GNPTAB: variants seen among roughly 807,000 people sequenced by gnomAD.
GNPTAB encodes N-acetylglucosamine-1-phosphate transferase subunits alpha and beta, also known as N-acetylglucosamine-1-phosphotransferase subunits alpha/beta.
Under a neutral mutation model 136.6 loss-of-function variants are expected in GNPTAB, and 92 were observed. The observed-to-expected ratio is 0.67, with a 90% CI of 0.57 to 0.80. The LOEUF is 0.80. Among genes scored for constraint, GNPTAB ranks in the 30% least tolerant of loss-of-function variants. GNPTAB has a pLI of 0.00. For missense variants in GNPTAB, 1,343 were observed against 1,501.8 expected, an observed-to-expected ratio of 0.89 and a Z score of 1.75; for synonymous variants, 512 against 535.1, an observed-to-expected ratio of 0.96 and a Z score of 0.60.
At chr12:101,778,968 T>C (rs1328309864) in intron 7 of GNPTAB, 1 of 150,982 alleles carries the variant, frequency 6.6e-6, no homozygotes, top group Non-Finnish European at 1.5e-5. Context: ...GTTATTCACA[T>C]TACCATTGTA....
At chr12:101,765,710 T>C in intron 12 of GNPTAB, 1 of 338,316 alleles carries the variant, frequency 3.0e-6, no homozygotes, top group Non-Finnish European at 5.6e-6. Context: ...TTTATCCATT[T>C]GAAAAAAACT....
intron 2 of GNPTAB, chr12:101,796,327 T>G (rs1869286697): frequency 4.3e-6 from 3 of 699,704 alleles, no homozygotes; most frequent in East Asian, 2.7e-5. Flanking sequence ...GTGGGATTAC[T>G]CTCTGTGAAT....
chr12:101,809,230 A>AATAAG (rs1295963859), intron 1 of GNPTAB, among the ~76,000 whole-genome samples: 1 of 152,228 alleles, frequency 6.6e-6, no homozygotes, highest in African/African-American at 2.4e-5. Flanking sequence ...TTAAAACAGC[A>AATAAG]ATAAGATACC....
At chr12:101,819,324 T>C (rs1187444764) in intron 1 of GNPTAB, among the ~76,000 whole-genome samples, 1 of 152,152 alleles carries the variant, frequency 6.6e-6, no homozygotes, top group African/African-American at 2.4e-5. Context: ...AACCTCTTTT[T>C]CTTTATAAAC....
rs890192327 is a variant in GNPTAB at position 101,786,228 on chromosome 12, A to G, written c.366-11T>C. The G allele has an allele frequency of 1.3e-6, 2 of 1,597,628 alleles. No individual in the cohort carries two copies. Among genetic ancestry groups the G allele is most frequent in the Non-Finnish European group, 1.7e-6 (2 of 1,166,490 alleles). Reference sequence around the variant, plus strand: ...TCTAACTGCTTCTCACTGGAAAGAAACACCAACATGCTTACAATTACATTC... The same window carrying G: ...TCTAACTGCTTCTCACTGGAAAGAAGCACCAACATGCTTACAATTACATTC... On this transcript the variant is annotated splice_polypyrimidine_tract_variant and intron_variant, in intron 4 of 20. Coordinates refer to ENST00000299314, the MANE Select transcript of GNPTAB (RefSeq NM_024312.5).
intron 1 of GNPTAB, among the ~76,000 whole-genome samples, chr12:101,809,212 A>G (rs1156708519): frequency 1.3e-5 from 2 of 152,236 alleles, no homozygotes; most frequent in African/African-American, 4.8e-5. Context: ...TCATTAGGGA[A>G]TAACAAATTA....
At chr12:101,781,945 T>C (rs1868368083) in intron 5 of GNPTAB, among the ~76,000 whole-genome samples, 1 of 152,234 alleles carries the variant, frequency 6.6e-6, no homozygotes, top group African/African-American at 2.4e-5. Context: ...ACAGGCTCGA[T>C]GCTCAGGTGG....
rs1223509764 is a variant in GNPTAB, at chr12:101,765,294, A to G, written c.1623T>C (p.His541=). The G allele has an allele frequency of 1.2e-6, 2 of 1,605,676 alleles. No individual in the cohort carries two copies. Among genetic ancestry groups the G allele is most frequent in the Non-Finnish European group, 1.7e-6 (2 of 1,172,620 alleles). ...GGAGAAGGATCACTTTATACAATTC[A>G]TGAAAATGATCTAGAGGAAAAAACA... The part of the protein sequence containing the change: ...DAGDCGQDHF[H]ELYKVILLPN... The change falls in exon 13 of 21, where the codon CAT becomes CAC. Residue 541 remains histidine, a synonymous_variant. Coordinates refer to ENST00000299314, the MANE Select transcript of GNPTAB (RefSeq NM_024312.5).
At chr12:101,753,667 T>C in intron 18 of GNPTAB, 128 bp from the exon 19 acceptor site, 2 of 775,562 alleles carry the variant, frequency 2.6e-6, no homozygotes, top group South Asian at 1.5e-5. Context: ...GCTGATATGA[T>C]TCTCTGGGGG....
chr12:101,803,506 C>A (rs1319542266), intron 1 of GNPTAB, among the ~76,000 whole-genome samples: 4 of 152,198 alleles, frequency 2.6e-5, no homozygotes, highest in Admixed American at 2.6e-4. Context: ...GGAATGATTT[C>A]TTCTCTTCAC....
intron 1 of GNPTAB, among the ~76,000 whole-genome samples, chr12:101,807,888 A>G (rs1870015064): frequency 2.0e-5 from 3 of 152,202 alleles, no homozygotes; most frequent in African/African-American, 4.8e-5. Flanking sequence ...CTCTCAAAAA[A>G]CAAACAAATA....
At chr12:101,783,883 T>G (rs765624451) in intron 5 of GNPTAB, among the ~76,000 whole-genome samples, 12 of 151,860 alleles carry the variant, frequency 7.9e-5, no homozygotes, top group Non-Finnish European at 1.5e-4. Context: ...CCAGACTAAT[T>G]TTTGTTTTTT....
At chr12:101,765,610 AC>A in intron 12 of GNPTAB, 1 of 390,304 alleles carries the variant, frequency 2.6e-6, no homozygotes, top group South Asian at 2.6e-5. Context: ...TGAGGCAGTC[AC>A]AATAATTACC....
intron 1 of GNPTAB, among the ~76,000 whole-genome samples, chr12:101,813,193 A>C (rs1329014972): frequency 3.9e-5 from 6 of 152,204 alleles, no homozygotes; most frequent in African/African-American, 1.4e-4. Context: ...CTAGAGTATG[A>C]ATTTCATATA....
intron 11 of GNPTAB, among the ~76,000 whole-genome samples, chr12:101,767,280 G>A: frequency 6.6e-6 from 1 of 152,270 alleles, no homozygotes; most frequent in Middle Eastern, 3.4e-3. Context: ...AAATTGAAAG[G>A]TAGTAAGTAA....
chr12:101,762,682 A>G (rs1251740877), intron 13 of GNPTAB, among the ~76,000 whole-genome samples: 1 of 152,180 alleles, frequency 6.6e-6, no homozygotes, highest in Non-Finnish European at 1.5e-5. Context: ...AGGGAAATAT[A>G]TGTAAATTTA....
At chr12:101,828,010 T>TGG (rs1312202318) in intron 1 of GNPTAB, among the ~76,000 whole-genome samples, 9 of 152,276 alleles carry the variant, frequency 5.9e-5, no homozygotes, top group African/African-American at 2.2e-4. Flanking sequence ...CAAAAGGACT[T>TGG]ACAATTAGTG....
chr12:101,758,504 A>G (rs1323100118), intron 16 of GNPTAB, among the ~76,000 whole-genome samples: 3 of 152,204 alleles, frequency 2.0e-5, no homozygotes, highest in Non-Finnish European at 4.4e-5. Context: ...GCTGATTCCT[A>G]TCTGCTAATC....
At chr12:101,753,590 C>G (rs1952855388) in intron 18 of GNPTAB, 51 bp from the exon 19 acceptor site, 2 of 1,441,298 alleles carry the variant, frequency 1.4e-6, no homozygotes, top group East Asian at 4.5e-5. Context: ...TAATCCTGAC[C>G]TAACAAAACA....
Sources: allele counts gnomAD v4.1 joint callset (sites outside exome capture counted in the v4.1 genomes callset), GRCh38; gene constraint gnomAD v4.1.1; transcripts MANE v1.5; gene names NCBI Gene and HGNC (gene_info 2026-07-23, HGNC 2026-07-21).